Variants in MLF2 observed in about 807,000 individuals in gnomAD.
MLF2 encodes the protein myelodysplasia-myeloid leukemia factor 2.
Under a neutral mutation model 31.4 loss-of-function variants are expected in MLF2, and 12 were observed. That is an observed-to-expected ratio of 0.38 (90% confidence interval 0.24 to 0.62). The LOEUF (loss-of-function observed/expected upper bound fraction) is 0.62, where lower values mean the gene tolerates loss of function less well. MLF2 is among the 20% of genes least tolerant of loss of function. The probability of loss-of-function intolerance (pLI) is 0.58; values close to 1 mark genes in which losing one functional copy is unlikely to be tolerated. For missense variants in MLF2, 272 were observed against 359.7 expected, an observed-to-expected ratio of 0.76 and a Z score of 1.97; for synonymous variants, 109 against 118.8, an observed-to-expected ratio of 0.92 and a Z score of 0.54.
Position 6,748,943 on chromosome 12 carries a change from G to A in MLF2, c.599C>T (p.Thr200Ile). 1 of 1,599,158 alleles carries A rather than the reference G, an allele frequency of 6.3e-7. No individual in the cohort carries two copies. The highest frequency in any genetic ancestry group is 1.1e-5 in the South Asian group (1 of 89,244). ...GGGACGCTGCTGCCGGAATCGGGAGGTCTCCCGCCGCCACTCGTCATCAAA... is the reference window on the plus strand; with the variant it reads ...GGGACGCTGCTGCCGGAATCGGGAGATCTCCCGCCGCCACTCGTCATCAAA... ...AAFDDEWRRETSRFRQQRPLE... is the reference protein window; with the variant it reads ...AAFDDEWRREISRFRQQRPLE... Residue 200 changes from threonine (T) to isoleucine (I), a missense_variant, in exon 8 of 9, where the codon ACC (threonine) becomes ATC (isoleucine). Transcript: ENST00000203630. This position sits in a 1 kb window ranked among gnomAD's most constrained non-coding sequence, Gnocchi z 4.6.
Position 6,750,781 on chromosome 12 carries a change from T to C in MLF2, c.217-15A>G. On this transcript the variant is annotated splice_polypyrimidine_tract_variant and intron_variant, in intron 4 of 8. Coordinates refer to ENST00000203630, the MANE Select transcript of MLF2 (RefSeq NM_001382226.1). This position sits in a 1 kb window ranked among gnomAD's most constrained non-coding sequence, Gnocchi z 5.3. ...AAACCACCCGACTGGAGGAAAGAGATGGAAAACAGAGTCAGGAAAGCAAAG... is the reference window on the plus strand; with the variant it reads ...AAACCACCCGACTGGAGGAAAGAGACGGAAAACAGAGTCAGGAAAGCAAAG... 6.2e-7 allele frequency: 1 copy of C among 1,613,544 alleles called. No homozygotes were observed. Among genetic ancestry groups the C allele is most frequent in the Non-Finnish European group, 8.5e-7 (1 of 1,179,568 alleles).
Position 6,749,887 on chromosome 12 carries a change from C to T in MLF2, c.520G>A (p.Asp174Asn), listed in dbSNP as rs1391392432. ...ATATAGTCCTGCCGCTCCTCCTGGT[C>T]CCCCGTGCGATGGTTTCGGGAGCGC... ...LQRSRNHRTG[D>N]QEERQDYINL... is the part of the protein sequence containing the mutation. The change falls in exon 7 of 9, where the codon GAC becomes AAC. Residue 174 changes from aspartate (D) to asparagine (N), a missense_variant. Asp to Asn is a conservative substitution (Grantham distance 23, BLOSUM62 1). Coordinates refer to ENST00000203630, the MANE Select transcript of MLF2 (RefSeq NM_001382226.1). This position sits in a 1 kb window ranked among gnomAD's most constrained non-coding sequence, Gnocchi z 5.3. The T allele has an allele frequency of 2.5e-6, 4 of 1,614,092 alleles. No individual in the cohort carries two copies. The highest frequency in any genetic ancestry group is 1.7e-5 in the Admixed American group (1 of 60,000).
rs1200493932 is a variant in MLF2 at position 6,748,693 on chromosome 12, G to A, written c.*25+77C>T. ...TGTACTACCAAAGGCAGCTCCTGCG[G>A]GAGCCTGAACTGAGCCTGCCTTGCA... On this transcript the variant is annotated intron_variant, in intron 8 of 8. Coordinates refer to ENST00000203630, the MANE Select transcript of MLF2 (RefSeq NM_001382226.1). The surrounding 1 kb of genome is among the most constrained non-coding windows in gnomAD (Gnocchi z 4.6). 1.5e-5 allele frequency: 17 copies of A among 1,146,728 alleles called. No individual in the cohort carries two copies. Among genetic ancestry groups the A allele is most frequent in the Non-Finnish European group, 2.0e-5 (17 of 831,946 alleles). 71.0% of individuals were successfully genotyped at this position (1,146,728 alleles called of 1,614,324 possible). A position where few individuals can be genotyped will look rare whatever the true frequency, so the allele number is the denominator to read the frequency against.
rs959551896 is a variant in MLF2, at chr12:6,749,687, C to T, written c.559+161G>A. On this transcript the variant is annotated intron_variant, in intron 7 of 8. Coordinates refer to ENST00000203630, the MANE Select transcript of MLF2 (RefSeq NM_001382226.1). The surrounding 1 kb of genome is among the most constrained non-coding windows in gnomAD (Gnocchi z 5.3). ...CTGAGATCGCGCCACTGCACTCCAG[C>T]CTGGGCACCTGGGCAACAAGAGCGA... is the stretch of plus-strand genomic sequence containing the variant. 1.4e-5 allele frequency: 14 copies of T among 1,008,190 alleles called. No homozygotes were observed. In the Admixed American group the frequency reaches 3.1e-4, roughly 22 times the overall value. The allele number at this position is 1,008,190 out of a possible 1,614,324, so 62.5% of individuals were successfully genotyped here.
chr12:6,751,792 CT>C, intron 3 of MLF2, 116 bp from the exon 4 acceptor site: 1 of 1,569,620 alleles, frequency 6.4e-7, no homozygotes. Context: ...TCACAAAGCC[CT>C]TTTTCCTGAC....
At chr12:6,751,850 T>G in intron 3 of MLF2, 75 bp downstream of exon 3, 3 of 1,595,514 alleles carry the variant, frequency 1.9e-6, no homozygotes, top group Non-Finnish European at 2.6e-6. Flanking sequence ...TTGGCTGTAG[T>G]GCAAGAAAAT....
At position 6,749,795 on chromosome 12, in the gene MLF2, C is replaced by T; in HGVS notation, c.559+53G>A. 3 of 1,605,972 alleles carry T rather than the reference C, an allele frequency of 1.9e-6. No homozygotes were observed. The highest frequency in any genetic ancestry group is 2.6e-6 in the Non-Finnish European group (3 of 1,175,360). On this transcript the variant is annotated intron_variant, in intron 7 of 8. Transcript: ENST00000203630. This position sits in a 1 kb window ranked among gnomAD's most constrained non-coding sequence, Gnocchi z 5.3. ...AGAAGTGTCTATGTGTTAGGGATGT[C>T]CACGGGAACCGGGTTAGGGGCTGCC... is the stretch of plus-strand genomic sequence containing the variant.
rs939766762 is a variant in MLF2 at position 6,749,449 on chromosome 12, T to C, written c.559+399A>G. On this transcript the variant is annotated intron_variant, in intron 7 of 8. Transcript: ENST00000203630. This position sits in a 1 kb window ranked among gnomAD's most constrained non-coding sequence, Gnocchi z 5.3. ...ACTGACAGTTGGGTGCAGTGGCTCA[T>C]GCCTGTAATCCCGGCACTTTGGGAG... Among the ~76,000 whole-genome samples, 2 of 152,206 alleles carry C rather than the reference T, an allele frequency of 1.3e-5. No homozygotes were observed. The highest frequency in any genetic ancestry group is 2.1e-4 in the South Asian group (1 of 4,838).
chr12:6,749,040 G>A lies in MLF2; in HGVS notation c.560-58C>T, dbSNP rs1452713682. The A allele has an allele frequency of 8.9e-6, 13 of 1,467,216 alleles. No homozygotes were observed. The African/African-American group carries it at 8.9e-5, about 10-fold the overall frequency. The allele number at this position is 1,467,216 out of a possible 1,614,324, so 90.9% of individuals were successfully genotyped here. On this transcript the variant is annotated intron_variant, in intron 7 of 8. Coordinates refer to ENST00000203630, the MANE Select transcript of MLF2 (RefSeq NM_001382226.1). The surrounding 1 kb of genome is among the most constrained non-coding windows in gnomAD (Gnocchi z 5.3). The stretch of plus-strand genomic sequence containing the variant: ...TGCGGCCTGGCTCCTGGAGGCCGAT[G>A]TGCGAGCGAGCCACAGCTTTTCGGG...
In MLF2 at chr12:6,750,437, T is replaced by G. The variant is rs955095125; in HGVS notation, c.271-132A>C. On this transcript the variant is annotated intron_variant, in intron 5 of 8. Coordinates refer to ENST00000203630, the MANE Select transcript of MLF2 (RefSeq NM_001382226.1). This position sits in a 1 kb window ranked among gnomAD's most constrained non-coding sequence, Gnocchi z 5.3. ...GCAAGAACTGAAAAAACATCAGGCCTCATCATTACCCTCCCAAATTCCTCT... is the reference window on the plus strand; with the variant it reads ...GCAAGAACTGAAAAAACATCAGGCCGCATCATTACCCTCCCAAATTCCTCT... 1.6e-6 allele frequency: 2 copies of G among 1,257,074 alleles called. No individual in the cohort carries two copies. Among genetic ancestry groups the G allele is most frequent in the African/African-American group, 3.0e-5 (2 of 66,468 alleles). 77.9% of individuals were successfully genotyped at this position (1,257,074 alleles called of 1,614,324 possible).
At position 6,751,936 on chromosome 12, in the gene MLF2, G is replaced by T. The variant is rs890848019; in HGVS notation, c.169C>A (p.Arg57=). 6 of 1,614,134 alleles carry T rather than the reference G, an allele frequency of 3.7e-6. No individual in the cohort carries two copies. Among genetic ancestry groups the T allele is most frequent in the Admixed American group, 1.7e-5 (1 of 60,022 alleles). ...CTCAGCATCATTACCTGCTGCATCCGGCGGCTGGCAGGCCTGGTCCCTGGC... is the reference window on the plus strand; with the variant it reads ...CTCAGCATCATTACCTGCTGCATCCTGCGGCTGGCAGGCCTGGTCCCTGGC... ...NMPGTRPASR[R]MQQAGAVSPF... is the part of the protein sequence containing the mutation. The change falls in exon 3 of 9, where the codon CGG becomes AGG. Residue 57 remains arginine, a synonymous_variant. Transcript: ENST00000203630.
rs1315288054 is a variant in MLF2 at position 6,750,088 on chromosome 12, C to T, written c.400-81G>A. On this transcript the variant is annotated intron_variant, in intron 6 of 8. Coordinates refer to ENST00000203630, the MANE Select transcript of MLF2 (RefSeq NM_001382226.1). The surrounding 1 kb of genome is among the most constrained non-coding windows in gnomAD (Gnocchi z 5.3). ...ACCATCTCAGGATAAACACACCACA[C>T]ACAACCCAATCCGGAAAAAAGCAGC... 1 of 1,611,644 alleles carries T rather than the reference C, an allele frequency of 6.2e-7. No individual in the cohort carries two copies. The highest frequency in any genetic ancestry group is 8.5e-7 in the Non-Finnish European group (1 of 1,178,414).
chr12:6,750,353 CT>C lies in MLF2; in HGVS notation c.271-49del, dbSNP rs1353398430. 1 of 1,597,382 alleles carries C rather than the reference CT, an allele frequency of 6.3e-7. No homozygotes were observed. The highest frequency in any genetic ancestry group is 8.5e-7 in the Non-Finnish European group (1 of 1,170,600). On this transcript the variant is annotated intron_variant, in intron 5 of 8. Coordinates refer to ENST00000203630, the MANE Select transcript of MLF2 (RefSeq NM_001382226.1). The surrounding 1 kb of genome is among the most constrained non-coding windows in gnomAD (Gnocchi z 5.3). ...AGGGCTGAATGGGGAGGCATCACCCCTGGTGAAGGGATTTCACCCTTCAGCT... is the reference window on the plus strand; with the variant it reads ...AGGGCTGAATGGGGAGGCATCACCCCGGTGAAGGGATTTCACCCTTCAGCT...
Position 6,750,385 on chromosome 12 carries a change from T to G in MLF2, c.271-80A>C. The G allele has an allele frequency of 6.7e-7, 1 of 1,502,242 alleles. No homozygotes were observed. Among genetic ancestry groups the G allele is most frequent in the Middle Eastern group, 1.8e-4 (1 of 5,478 alleles). The allele number at this position is 1,502,242 out of a possible 1,614,324, so 93.1% of individuals were successfully genotyped here. On this transcript the variant is annotated intron_variant, in intron 5 of 8. Transcript: ENST00000203630. This position sits in a 1 kb window ranked among gnomAD's most constrained non-coding sequence, Gnocchi z 5.3. ...AGGGATTTCACCCTTCAGCTGCCTG[T>G]TCTAGCCTGTATCTTTCTCACAAAA...
At position 6,748,545 on chromosome 12, in the gene MLF2, T is replaced by C; in HGVS notation, c.*28A>G. The stretch of plus-strand genomic sequence containing the variant: ...GATGATTTCTCAGCCTCTCAGCCTG[T>C]ACCTGGAGGGGGAAAGAGAGAGGAG... On this transcript the variant is annotated splice_region_variant and 3_prime_UTR_variant, in exon 9 of 9. Transcript: ENST00000203630. The surrounding 1 kb of genome is among the most constrained non-coding windows in gnomAD (Gnocchi z 4.6). 2.5e-6 allele frequency: 1 copy of C among 407,318 alleles called. No individual in the cohort carries two copies. 25.2% of individuals were successfully genotyped at this position (407,318 alleles called of 1,614,324 possible).
chr12:6,748,920 G>C lies in MLF2; in HGVS notation c.622C>G (p.Pro208Ala). 1 of 1,603,022 alleles carries C rather than the reference G, an allele frequency of 6.2e-7. No individual in the cohort carries two copies. Among genetic ancestry groups the C allele is most frequent in the Non-Finnish European group, 8.5e-7 (1 of 1,175,276 alleles). Reference protein sequence around the residue: ...RETSRFRQQRPLEFRRLESSG... With the variant: ...RETSRFRQQRALEFRRLESSG... The stretch of plus-strand genomic sequence containing the variant: ...GACTCAAGCCGCCGAAACTCCAGGG[G>C]ACGCTGCTGCCGGAATCGGGAGGTC... Residue 208 changes from proline (P) to alanine (A), a missense_variant, in exon 8 of 9, where the codon CCC (proline) becomes GCC (alanine). Pro to Ala is a conservative substitution (Grantham distance 27). Coordinates refer to ENST00000203630, the MANE Select transcript of MLF2 (RefSeq NM_001382226.1). This position sits in a 1 kb window ranked among gnomAD's most constrained non-coding sequence, Gnocchi z 4.6.
intron 3 of MLF2, 43 bp from the exon 4 acceptor site, chr12:6,751,719 A>C: frequency 6.2e-7 from 1 of 1,610,268 alleles, no homozygotes; most frequent in East Asian, 2.2e-5. Context: ...ACCACATCCT[A>C]TCTCTTTACA....
Position 6,752,970 on chromosome 12 carries a change from G to A in MLF2, c.-60C>T, listed in dbSNP as rs1041543938. 3.7e-6 allele frequency: 1 copy of A among 270,380 alleles called. No individual in the cohort carries two copies. Among genetic ancestry groups the A allele is most frequent in the Non-Finnish European group, 6.9e-6 (1 of 144,630 alleles). 16.7% of individuals were successfully genotyped at this position (270,380 alleles called of 1,614,324 possible). A position where few individuals can be genotyped will look rare whatever the true frequency, so the allele number is the denominator to read the frequency against. ...CCGATTCGGGCTCAGCGGCCCATCC[G>A]GCCGGTTTCGCTTCCCGGTACGCTG... On this transcript the variant is annotated 5_prime_UTR_variant, in exon 1 of 9. Coordinates refer to ENST00000203630, the MANE Select transcript of MLF2 (RefSeq NM_001382226.1). This position sits in a 1 kb window ranked among gnomAD's most constrained non-coding sequence, Gnocchi z 4.6.
Position 6,750,444 on chromosome 12 carries a change from T to TA in MLF2, c.271-140dup. On this transcript the variant is annotated intron_variant, in intron 5 of 8. Transcript: ENST00000203630. This position sits in a 1 kb window ranked among gnomAD's most constrained non-coding sequence, Gnocchi z 5.3. ...CTGAAAAAACATCAGGCCTCATCATTACCCTCCCAAATTCCTCTGAGTCCA... is the reference window on the plus strand; with the variant it reads ...CTGAAAAAACATCAGGCCTCATCATTAACCCTCCCAAATTCCTCTGAGTCCA... The TA allele has an allele frequency of 8.3e-7, 1 of 1,204,914 alleles. No homozygotes were observed. Among genetic ancestry groups the TA allele is most frequent in the Non-Finnish European group, 1.2e-6 (1 of 868,534 alleles). The allele number at this position is 1,204,914 out of a possible 1,614,324, so 74.6% of individuals were successfully genotyped here.
Sources: allele counts gnomAD v4.1 joint callset (sites outside exome capture counted in the v4.1 genomes callset), GRCh38; gene constraint gnomAD v4.1.1; non-coding constraint Gnocchi (gnomAD v3.1); transcripts MANE v1.5; gene names NCBI Gene and HGNC (gene_info 2026-07-23, HGNC 2026-07-21).